Variants in RBMS3 observed in about 807,000 individuals in gnomAD.
The protein encoded by RBMS3 is RNA-binding motif, single-stranded-interacting protein 3.
Under a neutral mutation model 66.8 loss-of-function variants are expected in RBMS3, and 27 were observed. The ratio of observed to expected loss-of-function variants is 0.40; its 90% confidence interval spans 0.30 to 0.56. The LOEUF (loss-of-function observed/expected upper bound fraction) is 0.56. RBMS3 is among the 20% of genes least tolerant of loss of function. RBMS3 has a pLI of 0.40. For missense variants in RBMS3, 513 were observed against 549.5 expected (o/e 0.93, Z 0.66); for synonymous variants, 188 against 183.0 (o/e 1.03, Z -0.22).
intron 6 of RBMS3, among the ~76,000 whole-genome samples, chr3:29,806,575 C>T (rs76750677): frequency 5.9e-5 from 9 of 151,800 alleles, no homozygotes; most frequent in African/African-American, 1.5e-4. Flanking sequence ...CACTCAAAGA[C>T]GAGCACAGAG....
At chr3:29,705,921 G>A (rs6782217) in intron 4 of RBMS3, among the ~76,000 whole-genome samples, 13,056 of 152,226 alleles carry the variant, frequency 0.086, 1,872 homozygotes, top group African/African-American at 0.3. Flanking sequence ...AAACAAGAGA[G>A]TATAGGGTAT....
At chr3:29,286,780 A>G (rs1284698983) in intron 1 of RBMS3, among the ~76,000 whole-genome samples, 1 of 152,100 alleles carries the variant, frequency 6.6e-6, no homozygotes, top group African/African-American at 2.4e-5. Flanking sequence ...TGGCAGAGAG[A>G]GTTCAGTCAC....
chr3:29,674,510 A>G (rs2051148631), intron 4 of RBMS3, among the ~76,000 whole-genome samples: 1 of 152,100 alleles, frequency 6.6e-6, no homozygotes, highest in South Asian at 2.1e-4. Context: ...AAATCCCATC[A>G]TCTCAGCCCA....
chr3:29,582,149 TATA>T (rs2047349713), intron 3 of RBMS3, among the ~76,000 whole-genome samples: 3 of 144,674 alleles, frequency 2.1e-5, no homozygotes, highest in Non-Finnish European at 4.5e-5. Flanking sequence ...AGAATTCCAT[TATA>T]GATAGATAGA....
intron 6 of RBMS3, among the ~76,000 whole-genome samples, chr3:29,795,701 C>T (rs960335513): frequency 6.6e-6 from 1 of 152,168 alleles, no homozygotes; most frequent in Admixed American, 6.5e-5. Flanking sequence ...TCATCTTTCT[C>T]CTCTGTAAAC....
intron 4 of RBMS3, among the ~76,000 whole-genome samples, chr3:29,719,256 T>C (rs1387810935): frequency 6.6e-6 from 1 of 152,128 alleles, no homozygotes; most frequent in Non-Finnish European, 1.5e-5. Flanking sequence ...CTTATAAAAG[T>C]CTAGAAAGTT....
At chr3:29,346,245 G>A (rs1055411489) in intron 1 of RBMS3, among the ~76,000 whole-genome samples, 1 of 151,934 alleles carries the variant, frequency 6.6e-6, no homozygotes, top group South Asian at 2.1e-4. Context: ...CACATAGTAG[G>A]GCCTCAATAT....
intron 4 of RBMS3, among the ~76,000 whole-genome samples, chr3:29,587,438 G>A (rs1465924284): frequency 6.6e-6 from 1 of 151,738 alleles, no homozygotes; most frequent in African/African-American, 2.4e-5. Flanking sequence ...AGGAGAATCT[G>A]TCTGGCTTAT....
intron 4 of RBMS3, among the ~76,000 whole-genome samples, chr3:29,674,844 A>G (rs2051170135): frequency 6.6e-6 from 1 of 152,020 alleles, no homozygotes; most frequent in Non-Finnish European, 1.5e-5. Context: ...TAATTTATAG[A>G]TTAAATGCCA....
At chr3:29,623,066 G>A (rs750510531) in intron 4 of RBMS3, among the ~76,000 whole-genome samples, 87 of 139,810 alleles carry the variant, frequency 6.2e-4, no homozygotes, top group Non-Finnish European at 6.2e-4. Flanking sequence ...AGCCGAGATC[G>A]TACCACTGCA....
At chr3:29,394,289 G>A (rs141528633) in intron 1 of RBMS3, among the ~76,000 whole-genome samples, 13 of 152,256 alleles carry the variant, frequency 8.5e-5, no homozygotes, top group East Asian at 3.9e-4. Flanking sequence ...GCCCCACCCC[G>A]CAGGCAGTCA....
At chr3:29,994,948 G>A (rs1457810257) in intron 14 of RBMS3, among the ~76,000 whole-genome samples, 1 of 152,210 alleles carries the variant, frequency 6.6e-6, no homozygotes, top group Admixed American at 6.5e-5. Context: ...GCTGAGAGAA[G>A]AAGGCTTCAG....
rs546846373 is a variant in RBMS3 at position 29,995,257 on chromosome 3, G to A, written c.1307+4048G>A. 3.5e-3 allele frequency among the ~76,000 whole-genome samples: 540 copies of A among 152,246 alleles called. 2 individuals carry two copies. Among genetic ancestry groups the A allele is most frequent in the South Asian group, 0.016 (75 of 4,822 alleles). ...TGAGCAAAGCCTCCAAGAAATATGG[G>A]ACTATGTGAAAAGACCAAATCTACA... On this transcript the variant is annotated intron_variant, in intron 14 of 14. Coordinates refer to ENST00000383767, the MANE Select transcript of RBMS3 (RefSeq NM_001003793.3).
intron 10 of RBMS3, among the ~76,000 whole-genome samples, chr3:29,904,150 G>T (rs1022682183): frequency 6.6e-6 from 1 of 151,822 alleles, no homozygotes; most frequent in Non-Finnish European, 1.5e-5. Flanking sequence ...AAATTTTACG[G>T]TAATTTTTCA....
At chr3:29,496,324 T>C (rs774940261) in intron 3 of RBMS3, among the ~76,000 whole-genome samples, 5 of 152,130 alleles carry the variant, frequency 3.3e-5, no homozygotes, top group Non-Finnish European at 5.9e-5. Flanking sequence ...TCTAATCTAC[T>C]CTAGTATTAA....
At chr3:29,562,330 T>C (rs1207484863) in intron 3 of RBMS3, among the ~76,000 whole-genome samples, 1 of 152,152 alleles carries the variant, frequency 6.6e-6, no homozygotes, top group Non-Finnish European at 1.5e-5. Flanking sequence ...ATCTTCTGAT[T>C]GTTAAAGAGA....
intron 6 of RBMS3, among the ~76,000 whole-genome samples, chr3:29,843,232 G>A (rs191567595): frequency 3.3e-5 from 5 of 152,248 alleles, no homozygotes; most frequent in Non-Finnish European, 5.9e-5. Context: ...TTTGTCACGA[G>A]AACGTAAATA....
intron 8 of RBMS3, among the ~76,000 whole-genome samples, chr3:29,896,876 A>T (rs2060134917): frequency 6.6e-6 from 1 of 151,600 alleles, no homozygotes; most frequent in Non-Finnish European, 1.5e-5. Context: ...CAACCTCGAT[A>T]CAAATTGTCC....
At chr3:29,821,879 T>A (rs181068429) in intron 6 of RBMS3, among the ~76,000 whole-genome samples, 1 of 152,118 alleles carries the variant, frequency 6.6e-6, no homozygotes, top group African/African-American at 2.4e-5. Context: ...GGAAAGTGTA[T>A]CCATTTTTTC....
Sources: gnomAD v4.1 joint callset for allele counts (sites outside exome capture counted in the v4.1 genomes callset) on GRCh38, gnomAD v4.1.1 for gene constraint, MANE v1.5 for transcripts, NCBI Gene and HGNC (gene_info 2026-07-23, HGNC 2026-07-21) for gene names.